TMEM161B: variants seen among roughly 807,000 people sequenced by gnomAD.
TMEM161B encodes the protein transmembrane protein 161B.
A neutral mutation model predicts 61.8 loss-of-function variants in TMEM161B; 34 were observed. The observed-to-expected ratio is 0.55, with a 90% CI of 0.42 to 0.73. The LOEUF is 0.73. Among genes scored for constraint, TMEM161B ranks in the 30% least tolerant of loss-of-function variants. TMEM161B has a pLI of 0.00. For synonymous variants in TMEM161B, 167 were observed against 192.8 expected (o/e 0.87, Z 1.11); for missense variants, 456 against 558.5 (o/e 0.82, Z 1.85).
chr5:88,193,317 A>C (rs1206591751), downstream of TMEM161B, among the ~76,000 whole-genome samples: 2 of 152,170 alleles, frequency 1.3e-5, no homozygotes, highest in Admixed American at 6.5e-5. Context: ...CATACAATAA[A>C]AATAACTTTA....
chr5:88,207,701 T>C (rs1490716255), intron 5 of TMEM161B, among the ~76,000 whole-genome samples: 2 of 152,150 alleles, frequency 1.3e-5, no homozygotes, highest in African/African-American at 4.8e-5. Flanking sequence ...AGTTTCAACA[T>C]GTTCACCTAT....
intron 1 of TMEM161B, among the ~76,000 whole-genome samples, chr5:88,262,701 A>G (rs1456366313): frequency 6.6e-6 from 1 of 152,154 alleles, no homozygotes; most frequent in Non-Finnish European, 1.5e-5. Flanking sequence ...AATGTACAAC[A>G]CCAAGAATGA....
intron 1 of TMEM161B, among the ~76,000 whole-genome samples, chr5:88,262,772 G>A (rs532533290): frequency 1.5e-4 from 23 of 152,172 alleles, no homozygotes; most frequent in Non-Finnish European, 2.5e-4. Context: ...TTCATCAATT[G>A]TAAGAAATTT....
rs142313817 is a variant in TMEM161B at position 88,257,928 on chromosome 5, T to C, written c.3+10793A>G. Among the ~76,000 whole-genome samples the C allele has an allele frequency of 4.0e-3, 611 of 152,288 alleles. 4 individuals carry two copies. Among genetic ancestry groups the C allele is most frequent in the Middle Eastern group, 0.014 (4 of 294 alleles). On this transcript the variant is annotated intron_variant, in intron 1 of 11. Transcript: ENST00000296595. Reference sequence around the variant, plus strand: ...CATAGTTTTAAAAAAGATCTATCTCTCAGATACGTGGCCAATTCTCTCTTT... The same window carrying C: ...CATAGTTTTAAAAAAGATCTATCTCCCAGATACGTGGCCAATTCTCTCTTT...
chr5:88,248,571 G>C (rs1225907088), intron 1 of TMEM161B, among the ~76,000 whole-genome samples: 1 of 152,070 alleles, frequency 6.6e-6, no homozygotes, highest in Non-Finnish European at 1.5e-5. Flanking sequence ...GAGGAAAACA[G>C]AGATTTCTTC....
rs775791789 is a variant in TMEM161B at position 88,205,773 on chromosome 5, A to G, written c.800+41T>C. 6 of 1,600,096 alleles carry G rather than the reference A, an allele frequency of 3.7e-6. No individual in the cohort carries two copies. In the East Asian group the frequency reaches 1.1e-4, roughly 30 times the overall value. On this transcript the variant is annotated intron_variant, in intron 8 of 11. Transcript: ENST00000296595. Reference sequence around the variant, plus strand: ...TTATACCTTCATTAAGATGGAAAACATATATTTATCTGCATGTGCTTATGT... The same window carrying G: ...TTATACCTTCATTAAGATGGAAAACGTATATTTATCTGCATGTGCTTATGT...
chr5:88,203,058 T>C lies in TMEM161B; in HGVS notation c.818A>G (p.Asn273Ser), dbSNP rs1744728219. The change falls in exon 9 of 12, where the codon AAC (asparagine) becomes AGC (serine). Residue 273 changes from asparagine to serine, a missense_variant. Asn to Ser is a conservative substitution (Grantham distance 46, BLOSUM62 1). This residue lies in a region of TMEM161B where 367 missense variants were observed against 427.3 expected (regional missense o/e 0.86). Coordinates refer to ENST00000296595, the MANE Select transcript of TMEM161B (RefSeq NM_153354.5). ...EKITQTLLHINFLAPLFMVLL... is the reference protein window; with the variant it reads ...EKITQTLLHISFLAPLFMVLL... Reference sequence around the variant, plus strand: ...AACCATAAATAAAGGTGCCAAGAAGTTGATATGAAGTAAAGTTCTGAAAGT... The same window carrying C: ...AACCATAAATAAAGGTGCCAAGAAGCTGATATGAAGTAAAGTTCTGAAAGT... 3 of 1,601,854 alleles carry C rather than the reference T, an allele frequency of 1.9e-6. No homozygotes were observed. Among genetic ancestry groups the C allele is most frequent in the Non-Finnish European group, 2.6e-6 (3 of 1,169,514 alleles).
intron 1 of TMEM161B, among the ~76,000 whole-genome samples, chr5:88,262,079 A>G (rs1465031201): frequency 6.6e-6 from 1 of 152,216 alleles, no homozygotes; most frequent in Non-Finnish European, 1.5e-5. Flanking sequence ...AAACTCAACA[A>G]GAAAACAACC....
chr5:88,206,093 C>T (rs916133294), intron 7 of TMEM161B, 139 bp from the exon 8 acceptor site: 8 of 754,032 alleles, frequency 1.1e-5, no homozygotes, highest in Middle Eastern at 3.9e-4. Flanking sequence ...TGCTATTATT[C>T]AAGTACCTAT....
intron 6 of TMEM161B, 21 bp from the exon 7 acceptor site, chr5:88,206,520 AAC>A (rs1379948173): frequency 3.2e-5 from 49 of 1,551,090 alleles, no homozygotes; most frequent in Non-Finnish European, 4.3e-5. Context: ...AAAAAAAAAA[AAC>A]AACAGATTAC....
chr5:88,206,939 T>G, intron 6 of TMEM161B, 90 bp downstream of exon 6: 1 of 1,072,228 alleles, frequency 9.3e-7, no homozygotes, highest in Non-Finnish European at 1.4e-6. Flanking sequence ...ATTTTAGATA[T>G]TTATCAGACA....
intron 11 of TMEM161B, 63 bp from the exon 12 acceptor site, chr5:88,196,551 A>G: frequency 6.8e-7 from 1 of 1,477,132 alleles, no homozygotes; most frequent in Non-Finnish European, 9.0e-7. Context: ...TTTTATTAAA[A>G]AAAAATCTTC....
chr5:88,244,027 T>C (rs1395073134), intron 1 of TMEM161B, among the ~76,000 whole-genome samples: 1 of 152,012 alleles, frequency 6.6e-6, no homozygotes, highest in Non-Finnish European at 1.5e-5. Context: ...ACATTCAGAA[T>C]ATTACACCTT....
At chr5:88,228,592 A>G in intron 2 of TMEM161B, 64 bp from the exon 3 acceptor site, 2 of 1,141,140 alleles carry the variant, frequency 1.8e-6, no homozygotes, top group East Asian at 2.5e-5. Flanking sequence ...TCTTCATCCT[A>G]TAAATATTTA....
chr5:88,205,655 TAAAAG>T (rs1745316767), intron 8 of TMEM161B, 154 bp downstream of exon 8: 2 of 756,352 alleles, frequency 2.6e-6, no homozygotes, highest in Non-Finnish European at 4.0e-6. Context: ...TAGAAGCAAA[TAAAAG>T]AAACTTGCTT....
intron 9 of TMEM161B, chr5:88,202,433 TC>T (rs1290053759): frequency 6.3e-6 from 1 of 157,554 alleles, no homozygotes; most frequent in Non-Finnish European, 1.3e-5. Flanking sequence ...TAGGAAAATA[TC>T]CTTATTTTTT....
chr5:88,254,853 T>C (rs1368503754), intron 1 of TMEM161B, among the ~76,000 whole-genome samples: 6 of 149,874 alleles, frequency 4.0e-5, no homozygotes, highest in African/African-American at 1.5e-4. Context: ...AAAAAAAATT[T>C]TAAGGGAAAA....
At chr5:88,189,842 T>C (rs555585781) in exon 13 of TMEM161B, 217 of 551,762 alleles carry the variant, frequency 3.9e-4, no homozygotes, top group Non-Finnish European at 6.3e-4. Context: ...GTATCCATTT[T>C]AATCCTTTTT....
Position 88,195,966 on chromosome 5 carries a change from C to A in TMEM161B, c.*245G>T. On this transcript the variant is annotated 3_prime_UTR_variant, in exon 12 of 12. Coordinates refer to ENST00000296595, the MANE Select transcript of TMEM161B (RefSeq NM_153354.5). Reference sequence around the variant, plus strand: ...TACCCTTGTAGATAGCCCTCTCATACCAGTAAATACAAAGAGTTAAAATTC... The same window carrying A: ...TACCCTTGTAGATAGCCCTCTCATAACAGTAAATACAAAGAGTTAAAATTC... The A allele has an allele frequency of 8.0e-7, 1 of 1,248,604 alleles. No individual in the cohort carries two copies. The highest frequency in any genetic ancestry group is 1.0e-6 in the Non-Finnish European group (1 of 994,336). 77.3% of individuals were successfully genotyped at this position (1,248,604 alleles called of 1,614,324 possible). A position where few individuals can be genotyped will look rare whatever the true frequency, so the allele number is the denominator to read the frequency against.
Sources: gnomAD v4.1 joint callset for allele counts (sites outside exome capture counted in the v4.1 genomes callset) on GRCh38, gnomAD v4.1.1 for gene constraint, gnomAD v4.1.1 regional missense constraint, MANE v1.5 for transcripts, NCBI Gene and HGNC (gene_info 2026-07-23, HGNC 2026-07-21) for gene names.